The following TMEM117 variants were observed in gnomAD, a reference collection of about 807,000 sequenced individuals.
TMEM117 encodes the protein transmembrane protein 117.
TMEM117 carries 27 observed loss-of-function variants against 52.4 expected under a neutral mutation model. That is an observed-to-expected ratio of 0.51 (90% CI 0.38 to 0.71). The LOEUF is 0.71. TMEM117 is among the 30% of genes least tolerant of loss of function. TMEM117 has a pLI of 0.00. For synonymous variants in TMEM117, 215 were observed against 206.3 expected (o/e 1.04, Z -0.36); for missense variants, 556 against 630.5 (o/e 0.88, Z 1.26).
intron 3 of TMEM117, among the ~76,000 whole-genome samples, chr12:44,032,931 G>A (rs1263985629): frequency 6.6e-6 from 1 of 152,144 alleles, no homozygotes; most frequent in African/African-American, 2.4e-5. Context: ...GTGTGAACTG[G>A]AACAACTCCA....
chr12:44,200,171 C>A (rs562407853), intron 4 of TMEM117, among the ~76,000 whole-genome samples: 34 of 152,186 alleles, frequency 2.2e-4, no homozygotes, highest in African/African-American at 6.5e-4. Context: ...AACAAAAAAA[C>A]CCCTTAGCAT....
At chr12:44,203,157 A>G (rs972577402) in intron 4 of TMEM117, among the ~76,000 whole-genome samples, 1 of 152,002 alleles carries the variant, frequency 6.6e-6, no homozygotes, top group Admixed American at 6.6e-5. Context: ...CGGTCTTCTC[A>G]GGATTTCAGT....
chr12:44,021,269 AC>A (rs898618455), intron 3 of TMEM117, among the ~76,000 whole-genome samples: 30 of 151,784 alleles, frequency 2.0e-4, no homozygotes, highest in African/African-American at 7.3e-4. Flanking sequence ...CCCATCCTCC[AC>A]CCTCAAATAG....
chr12:43,808,625 A>T, the TMEM117 span, among the ~76,000 whole-genome samples: 2 of 152,034 alleles, frequency 1.3e-5, no homozygotes, highest in Non-Finnish European at 2.9e-5. Context: ...TGTGGCAATG[A>T]GAGGGAGCAC....
chr12:44,154,519 T>C (rs1948799078), intron 4 of TMEM117, among the ~76,000 whole-genome samples: 2 of 152,062 alleles, frequency 1.3e-5, no homozygotes, highest in Admixed American at 1.3e-4. Context: ...AAAAATACTA[T>C]GAACCTGTAG....
At chr12:44,268,721 G>GTTTAAAT (rs1229677624) in intron 5 of TMEM117, among the ~76,000 whole-genome samples, 2 of 152,090 alleles carry the variant, frequency 1.3e-5, no homozygotes, top group Non-Finnish European at 2.9e-5. Flanking sequence ...TATCTTTGTG[G>GTTTAAAT]TTTAAATTTT....
intron 5 of TMEM117, among the ~76,000 whole-genome samples, chr12:44,229,594 C>A (rs1949908026): frequency 6.6e-6 from 1 of 152,150 alleles, no homozygotes; most frequent in South Asian, 2.1e-4. Flanking sequence ...CTTTGCCCCA[C>A]TTCTCACCTT....
chr12:44,234,756 G>T (rs1441495506), intron 5 of TMEM117, among the ~76,000 whole-genome samples: 1 of 151,046 alleles, frequency 6.6e-6, no homozygotes, highest in South Asian at 2.1e-4. Flanking sequence ...TATCAGCATT[G>T]TTTACTTATC....
intron 5 of TMEM117, among the ~76,000 whole-genome samples, chr12:44,289,483 T>C (rs1350725523): frequency 6.6e-6 from 1 of 151,932 alleles, no homozygotes; most frequent in Non-Finnish European, 1.5e-5. Flanking sequence ...TTGCCATACT[T>C]GCTGAATCAA....
intron 2 of TMEM117, among the ~76,000 whole-genome samples, chr12:43,899,931 C>T (rs1565741343): frequency 6.6e-6 from 1 of 152,204 alleles, no homozygotes; most frequent in East Asian, 1.9e-4. Flanking sequence ...TCATTTTATT[C>T]TCATGTGTAT....
intron 3 of TMEM117, among the ~76,000 whole-genome samples, chr12:44,091,122 G>A (rs1947664684): frequency 6.6e-6 from 1 of 152,014 alleles, no homozygotes; most frequent in South Asian, 2.1e-4. Context: ...GAGGTGAAAG[G>A]CACTTCTTAC....
chr12:44,303,067 G>A (rs926131025), intron 6 of TMEM117, among the ~76,000 whole-genome samples: 1 of 151,570 alleles, frequency 6.6e-6, no homozygotes, highest in Non-Finnish European at 1.5e-5. Context: ...TTCTGATATG[G>A]AGTTTCACTC....
the TMEM117 span, chr12:43,804,419 G>T: frequency 1.1e-6 from 1 of 907,376 alleles, no homozygotes; most frequent in South Asian, 1.5e-5. Flanking sequence ...TCAAATCACT[G>T]ACAACACACA....
At chr12:44,210,193 A>C (rs1949626532) in intron 4 of TMEM117, among the ~76,000 whole-genome samples, 1 of 152,146 alleles carries the variant, frequency 6.6e-6, no homozygotes, top group African/African-American at 2.4e-5. Flanking sequence ...TTAAAATCAT[A>C]AGTAATGGAA....
chr12:44,138,541 C>T lies in TMEM117; in HGVS notation c.411-4984C>T, dbSNP rs566017119. Among the ~76,000 whole-genome samples the T allele has an allele frequency of 8.5e-5, 13 of 152,176 alleles. No individual in the cohort carries two copies. The East Asian group carries it at 9.7e-4, about 11-fold the overall frequency. On this transcript the variant is annotated intron_variant, in intron 3 of 7. Transcript: ENST00000266534. The stretch of plus-strand genomic sequence containing the variant: ...GCTTGGTTAATGATACTCTGTCTCC[C>T]GTCTTCTTAGATATGTCTTCCTTAT...
At chr12:43,974,818 CAT>C (rs1945646563) in intron 3 of TMEM117, among the ~76,000 whole-genome samples, 1 of 152,006 alleles carries the variant, frequency 6.6e-6, no homozygotes, top group South Asian at 2.1e-4. Context: ...ATAATATTGA[CAT>C]ATCTGTTAAT....
chr12:44,118,864 T>C (rs1390203411), intron 3 of TMEM117, among the ~76,000 whole-genome samples: 1 of 152,222 alleles, frequency 6.6e-6, no homozygotes, highest in East Asian at 1.9e-4. Flanking sequence ...TTTGCATCTC[T>C]GGTTTAAAAC....
upstream of TMEM117, among the ~76,000 whole-genome samples, chr12:43,831,546 A>ATTTT (rs11449366): frequency 7.3e-6 from 1 of 137,602 alleles, no homozygotes; most frequent in African/African-American, 2.7e-5. Flanking sequence ...GTTACTTCTG[A>ATTTT]TTTTTTTTTT....
At chr12:43,989,233 T>C (rs181048024) in intron 3 of TMEM117, among the ~76,000 whole-genome samples, 2 of 152,246 alleles carry the variant, frequency 1.3e-5, no homozygotes, top group African/African-American at 4.8e-5. Flanking sequence ...CAACTTTATA[T>C]TTCTGGGACA....
Sources: allele counts gnomAD v4.1 joint callset (sites outside exome capture counted in the v4.1 genomes callset), GRCh38; gene constraint gnomAD v4.1.1; transcripts MANE v1.5; gene names NCBI Gene and HGNC (gene_info 2026-07-23, HGNC 2026-07-21).